ZBBX: variants seen among roughly 807,000 people sequenced by gnomAD.
ZBBX encodes the protein zinc finger B-box domain containing.
Under a neutral mutation model 108.5 loss-of-function variants are expected in ZBBX, and 101 were observed. The ratio of observed to expected loss-of-function variants is 0.93; its 90% CI spans 0.79 to 1.10. The LOEUF is 1.10. Ranked by LOEUF, ZBBX falls within the 50% of genes least tolerant of loss-of-function variation. The pLI is 0.00. For missense variants in ZBBX, 1,009 were observed against 941.4 expected, an observed-to-expected ratio of 1.07 and a Z score of -0.94; for synonymous variants, 356 against 323.4, an observed-to-expected ratio of 1.10 and a Z score of -1.08.
chr3:167,348,804 A>T (rs1577063071), intron 9 of ZBBX, among the ~76,000 whole-genome samples: 1 of 152,120 alleles, frequency 6.6e-6, no homozygotes, highest in Admixed American at 6.6e-5. Flanking sequence ...TCCAATCTAC[A>T]TTTGGAATTT....
intron 20 of ZBBX, among the ~76,000 whole-genome samples, chr3:167,262,209 G>A (rs889301647): frequency 3.3e-5 from 5 of 152,122 alleles, no homozygotes; most frequent in Non-Finnish European, 7.4e-5. Flanking sequence ...TGTGGGTCGG[G>A]GGGGGCGTCT....
chr3:167,381,167 C>T (rs1353594791), upstream of ZBBX, among the ~76,000 whole-genome samples: 1 of 151,486 alleles, frequency 6.6e-6, no homozygotes, highest in Non-Finnish European at 1.5e-5. Context: ...CTGCCAATAC[C>T]CATTTAAAAA....
intron 11 of ZBBX, among the ~76,000 whole-genome samples, chr3:167,324,449 G>A (rs1294686459): frequency 1.3e-5 from 2 of 152,096 alleles, no homozygotes; most frequent in Non-Finnish European, 2.9e-5. Flanking sequence ...TTCCAGAGCT[G>A]TGACCTGGCT....
chr3:167,206,635 CA>C, the ZBBX span, among the ~76,000 whole-genome samples: 8 of 149,474 alleles, frequency 5.4e-5, no homozygotes, highest in East Asian at 3.9e-4. Flanking sequence ...TTTTCACTGC[CA>C]AAAAAAAATC....
chr3:167,270,159 C>G (rs1190452280), intron 20 of ZBBX, among the ~76,000 whole-genome samples: 1 of 152,064 alleles, frequency 6.6e-6, no homozygotes, highest in African/African-American at 2.4e-5. Context: ...TGAGGGGCTA[C>G]AAGTCTCAAA....
intron 12 of ZBBX, among the ~76,000 whole-genome samples, chr3:167,318,911 G>T (rs1414753876): frequency 1.3e-5 from 2 of 151,682 alleles, no homozygotes; most frequent in African/African-American, 4.8e-5. Context: ...ACAACTACAC[G>T]CCTTATTAAA....
chr3:167,204,391 C>G, the ZBBX span, among the ~76,000 whole-genome samples: 1 of 143,442 alleles, frequency 7.0e-6, no homozygotes. Flanking sequence ...TCCCTCCCCC[C>G]TCCCCTGACC....
chr3:167,335,289 T>C (rs1254205017), intron 9 of ZBBX, among the ~76,000 whole-genome samples: 1 of 152,118 alleles, frequency 6.6e-6, no homozygotes, highest in African/African-American at 2.4e-5. Flanking sequence ...TTAAAATAAG[T>C]AATTTAGAAA....
At position 167,243,793 on chromosome 3, in the gene ZBBX, C is replaced by A. The variant is rs377671170; in HGVS notation, c.2255-1150G>T. Among the ~76,000 whole-genome samples, 4 of 116,972 alleles carry A rather than the reference C, an allele frequency of 3.4e-5. No individual in the cohort carries two copies. In the East Asian group the frequency reaches 8.0e-4, roughly 23 times the overall value. 76.7% of individuals were successfully genotyped at this position (116,972 alleles called of 152,430 possible). The stretch of plus-strand genomic sequence containing the variant: ...TTTTTGGTGGTTAGTATCAACTTGA[C>A]ATTTTTGAGCAAATAGAGATTTCCC... On this transcript the variant is annotated intron_variant, in intron 20 of 21. Transcript: ENST00000675490.
At chr3:167,184,390 A>C in the ZBBX span, among the ~76,000 whole-genome samples, 1 of 152,148 alleles carries the variant, frequency 6.6e-6, no homozygotes, top group Non-Finnish European at 1.5e-5. Context: ...ATAGTTGGCC[A>C]GGCTGGTGTC....
At chr3:167,209,344 G>A in the ZBBX span, among the ~76,000 whole-genome samples, 1 of 151,976 alleles carries the variant, frequency 6.6e-6, no homozygotes, top group Non-Finnish European at 1.5e-5. Flanking sequence ...GTGGCCACAG[G>A]GGTACTTGTG....
At chr3:167,180,390 A>C in the ZBBX span, among the ~76,000 whole-genome samples, 1 of 152,198 alleles carries the variant, frequency 6.6e-6, no homozygotes, top group African/African-American at 2.4e-5. Flanking sequence ...ATTGATCCCT[A>C]CGAATGGTTA....
At chr3:167,342,432 GATA>G (rs1412481133) in intron 9 of ZBBX, among the ~76,000 whole-genome samples, 1 of 151,664 alleles carries the variant, frequency 6.6e-6, no homozygotes, top group African/African-American at 2.4e-5. Flanking sequence ...TATATACTCT[GATA>G]AATTGAGCTC....
At chr3:167,361,492 A>G (rs1260706384) in intron 6 of ZBBX, among the ~76,000 whole-genome samples, 18 of 152,104 alleles carry the variant, frequency 1.2e-4, no homozygotes, top group Non-Finnish European at 2.5e-4. Flanking sequence ...TGCATGCTCA[A>G]TTGCTCAATT....
chr3:167,322,038 T>C lies in ZBBX; in HGVS notation c.983+79A>G. 3.6e-6 allele frequency: 3 copies of C among 833,990 alleles called. No homozygotes were observed. In the East Asian group the frequency reaches 9.2e-5, roughly 26 times the overall value. The allele number at this position is 833,990 out of a possible 1,614,324, so 51.7% of individuals were successfully genotyped here. On this transcript the variant is annotated intron_variant, in intron 12 of 21. Coordinates refer to ENST00000675490, the MANE Select transcript of ZBBX (RefSeq NM_001199201.2). ...ATATGAAATATACATATAAAATTGCTATAGGAAGGCATGTCATACAAGAAA... is the reference window on the plus strand; with the variant it reads ...ATATGAAATATACATATAAAATTGCCATAGGAAGGCATGTCATACAAGAAA...
At chr3:167,382,423 A>G (rs899371118), upstream of ZBBX, among the ~76,000 whole-genome samples, 1 of 152,204 alleles carries the variant, frequency 6.6e-6, no homozygotes, top group Non-Finnish European at 1.5e-5. Context: ...AGTTTACCAC[A>G]ACTATATCAA....
chr3:167,305,569 T>C, intron 17 of ZBBX, 74 bp downstream of exon 17: 1 of 1,149,060 alleles, frequency 8.7e-7, no homozygotes, highest in Non-Finnish European at 1.2e-6. Flanking sequence ...CTTGAGAATG[T>C]ATTGTGTCAC....
intron 9 of ZBBX, among the ~76,000 whole-genome samples, chr3:167,340,421 TA>T (rs1393140184): frequency 6.6e-6 from 1 of 152,036 alleles, no homozygotes; most frequent in Non-Finnish European, 1.5e-5. Flanking sequence ...AATTTTCATA[TA>T]AAAAATACAT....
At chr3:167,289,795 G>T (rs1730355912) in intron 18 of ZBBX, among the ~76,000 whole-genome samples, 1 of 152,162 alleles carries the variant, frequency 6.6e-6, no homozygotes, top group Admixed American at 6.5e-5. Flanking sequence ...TGGCTCATCG[G>T]TTCCCACCCT....
Sources: allele counts gnomAD v4.1 joint callset (sites outside exome capture counted in the v4.1 genomes callset), GRCh38; gene constraint gnomAD v4.1.1; transcripts MANE v1.5; gene names NCBI Gene and HGNC (gene_info 2026-07-23, HGNC 2026-07-21).